Variants in UBL3 observed in about 807,000 individuals in gnomAD.
UBL3 encodes the protein ubiquitin like 3, also known as ubiquitin-like protein 3.
A neutral mutation model predicts 18.4 loss-of-function variants in UBL3; 6 were observed. The ratio of observed to expected loss-of-function variants is 0.33; its 90% confidence interval spans 0.18 to 0.64. The LOEUF is 0.64. UBL3 is among the 30% of genes least tolerant of loss of function. The pLI, the probability that UBL3 is intolerant of heterozygous loss-of-function variation, is 0.76. For synonymous variants in UBL3, 49 were observed against 46.6 expected, an observed-to-expected ratio of 1.05 and a Z score of -0.21; for missense variants, 109 against 142.9, an observed-to-expected ratio of 0.76 and a Z score of 1.21.
intron 1 of UBL3, among the ~76,000 whole-genome samples, chr13:29,826,846 A>C (rs1223511115): frequency 2.0e-5 from 3 of 152,096 alleles, no homozygotes; most frequent in Non-Finnish European, 4.4e-5. Flanking sequence ...CCCTCTACAC[A>C]CTGCTTTAAA....
intron 1 of UBL3, among the ~76,000 whole-genome samples, chr13:29,845,464 T>G (rs9579488): frequency 0.13 from 19,597 of 152,024 alleles, 1,611 homozygotes; most frequent in South Asian, 0.27. Context: ...GAGGAAAAAG[T>G]CCCTGGGCAT....
At chr13:29,825,838 T>C (rs969116254) in intron 1 of UBL3, among the ~76,000 whole-genome samples, 7 of 152,356 alleles carry the variant, frequency 4.6e-5, no homozygotes, top group South Asian at 2.1e-4. Flanking sequence ...GGGTTTGTCA[T>C]AGATAGCTCT....
At chr13:29,792,005 G>A (rs1877492028) in intron 1 of UBL3, among the ~76,000 whole-genome samples, 1 of 152,116 alleles carries the variant, frequency 6.6e-6, no homozygotes, top group African/African-American at 2.4e-5. Flanking sequence ...GTGGACATGA[G>A]GTTCCATTGG....
chr13:29,789,736 A>C lies in UBL3; in HGVS notation c.28-12473T>G, dbSNP rs550569691. 2.6e-5 allele frequency among the ~76,000 whole-genome samples: 4 copies of C among 152,354 alleles called. No individual in the cohort carries two copies. The East Asian group carries it at 7.7e-4, about 29-fold the overall frequency. ...GTTGGGCATAATGTATTGATGTAGA[A>C]ACAAAATTTTACTTGTAATGGAAAG... On this transcript the variant is annotated intron_variant, in intron 1 of 4. Transcript: ENST00000380680.
At chr13:29,844,126 T>C (rs1453678724) in intron 1 of UBL3, among the ~76,000 whole-genome samples, 1 of 152,182 alleles carries the variant, frequency 6.6e-6, no homozygotes, top group Non-Finnish European at 1.5e-5. Flanking sequence ...CATGGTGCTG[T>C]TGCTGGCATC....
intron 1 of UBL3, among the ~76,000 whole-genome samples, chr13:29,795,521 A>G (rs1210071718): frequency 2.0e-5 from 3 of 151,970 alleles, no homozygotes; most frequent in African/African-American, 7.2e-5. Flanking sequence ...ATTATTAACA[A>G]TTAGTAACAT....
chr13:29,797,487 G>C (rs1245455761), intron 1 of UBL3, among the ~76,000 whole-genome samples: 1 of 152,178 alleles, frequency 6.6e-6, no homozygotes, highest in African/African-American at 2.4e-5. Flanking sequence ...TAGTGCTGGA[G>C]AAAGAACCCT....
intron 1 of UBL3, among the ~76,000 whole-genome samples, chr13:29,842,223 C>A (rs577453128): frequency 6.7e-6 from 1 of 148,460 alleles, no homozygotes; most frequent in Non-Finnish European, 1.5e-5. Context: ...CTCACTGCAA[C>A]CTCTGCTCAC....
At chr13:29,777,291 A>G in intron 1 of UBL3, 28 bp from the exon 2 acceptor site, 1 of 1,557,436 alleles carries the variant, frequency 6.4e-7, no homozygotes. Context: ...TTCTTTTAAC[A>G]TAAATCTAAA....
At chr13:29,804,443 A>T (rs1246194555) in intron 1 of UBL3, among the ~76,000 whole-genome samples, 1 of 152,176 alleles carries the variant, frequency 6.6e-6, no homozygotes, top group Non-Finnish European at 1.5e-5. Flanking sequence ...AATTAAGCCC[A>T]AAACTAGCCG....
intron 1 of UBL3, among the ~76,000 whole-genome samples, chr13:29,786,334 C>A (rs1238523480): frequency 6.6e-6 from 1 of 152,226 alleles, no homozygotes. Context: ...TGCCCCAAGG[C>A]CTTTACACAG....
At position 29,813,271 on chromosome 13, in the gene UBL3, C is replaced by T. The variant is rs140054610; in HGVS notation, c.28-36008G>A. Among the ~76,000 whole-genome samples the T allele has an allele frequency of 1.9e-3, 287 of 152,120 alleles. 1 individual carries two copies. Among genetic ancestry groups the T allele is most frequent in the African/African-American group, 6.5e-3 (271 of 41,548 alleles). ...GCCAAACTTCAGTAATTGCATAGAA[C>T]GTCAGGAAACGCTTCTCCAGCTAGC... On this transcript the variant is annotated intron_variant, in intron 1 of 4. Coordinates refer to ENST00000380680, the MANE Select transcript of UBL3 (RefSeq NM_007106.4).
chr13:29,828,194 C>T (rs2476651), intron 1 of UBL3, among the ~76,000 whole-genome samples: 15,519 of 151,974 alleles, frequency 0.1, 975 homozygotes, highest in African/African-American at 0.17. Flanking sequence ...TTTGTGGCAT[C>T]CTCTGTATTT....
chr13:29,797,716 G>A (rs1041670906), intron 1 of UBL3, among the ~76,000 whole-genome samples: 1 of 152,160 alleles, frequency 6.6e-6, no homozygotes, highest in African/African-American at 2.4e-5. Context: ...TTAGTCTTAT[G>A]CTTAAATGTA....
intron 1 of UBL3, among the ~76,000 whole-genome samples, chr13:29,825,324 C>T (rs183528589): frequency 2.5e-3 from 388 of 152,288 alleles, no homozygotes; most frequent in African/African-American, 7.3e-3. Flanking sequence ...TTGATTATTC[C>T]TATCCATCAG....
At chr13:29,811,542 C>T (rs1030414685) in intron 1 of UBL3, among the ~76,000 whole-genome samples, 5 of 151,982 alleles carry the variant, frequency 3.3e-5, no homozygotes, top group Non-Finnish European at 5.9e-5. Context: ...GAGAGAGCTG[C>T]GGAAGGAAAC....
intron 1 of UBL3, among the ~76,000 whole-genome samples, chr13:29,791,839 G>A (rs547400707): frequency 6.6e-6 from 1 of 152,214 alleles, no homozygotes; most frequent in African/African-American, 2.4e-5. Flanking sequence ...TATCACATCT[G>A]TTATTGTAGC....
At chr13:29,797,477 T>C (rs1022292204) in intron 1 of UBL3, among the ~76,000 whole-genome samples, 4 of 152,338 alleles carry the variant, frequency 2.6e-5, no homozygotes, top group South Asian at 4.1e-4. Flanking sequence ...CCGGCCAAGA[T>C]AGTGCTGGAG....
At chr13:29,777,569 C>T in intron 1 of UBL3, 1 of 437,528 alleles carries the variant, frequency 2.3e-6, no homozygotes, top group Non-Finnish European at 4.5e-6. Flanking sequence ...TGAACTTTTG[C>T]AAGTTATCAC....
Sources: allele counts gnomAD v4.1 joint callset (sites outside exome capture counted in the v4.1 genomes callset), GRCh38; gene constraint gnomAD v4.1.1; transcripts MANE v1.5; gene names NCBI Gene and HGNC (gene_info 2026-07-23, HGNC 2026-07-21).